The following ZNF609 variants were observed in gnomAD, a reference collection of about 807,000 sequenced individuals.
ZNF609 encodes zinc finger protein 609.
A neutral mutation model predicts 109.5 loss-of-function variants in ZNF609; 11 were observed. That is an observed-to-expected ratio of 0.10 (90% CI 0.06 to 0.17). The LOEUF (loss-of-function observed/expected upper bound fraction) is 0.17. ZNF609 is among the 10% of genes least tolerant of loss of function. The pLI is 1.00. For missense variants in ZNF609, 1,559 were observed against 1,772.4 expected (o/e 0.88, Z 2.16); for synonymous variants, 646 against 662.0 (o/e 0.98, Z 0.37).
At chr15:64,588,238 A>G (rs1895230211) in intron 2 of ZNF609, among the ~76,000 whole-genome samples, 2 of 132,624 alleles carry the variant, frequency 1.5e-5, no homozygotes, top group African/African-American at 2.8e-5. Context: ...ACCACGGTGA[A>G]ACCCCCGTCT....
Position 64,520,175 on chromosome 15 carries a change from T to G in ZNF609, c.747+20009T>G, listed in dbSNP as rs566527555. On this transcript the variant is annotated intron_variant, in intron 2 of 9. Transcript: ENST00000326648. ...TCTGGAGAAGCAGTACAGGAAGGTT[T>G]CTGGGTTGCTATAACCAGGATTTTT... Among the ~76,000 whole-genome samples, 6 of 152,304 alleles carry G rather than the reference T, an allele frequency of 3.9e-5. No individual in the cohort carries two copies. In the South Asian group the frequency reaches 1.2e-3, roughly 32 times the overall value.
intron 3 of ZNF609, among the ~76,000 whole-genome samples, chr15:64,661,263 C>A (rs989701817): frequency 6.6e-6 from 1 of 152,052 alleles, no homozygotes; most frequent in African/African-American, 2.4e-5. Flanking sequence ...CGACTGGCCG[C>A]GTATCACTAT....
intron 3 of ZNF609, chr15:64,631,704 G>GT: frequency 2.1e-5 from 4 of 192,912 alleles, no homozygotes; most frequent in Non-Finnish European, 2.1e-5. Flanking sequence ...AGCTAATTTT[G>GT]TATTTTTTTT....
chr15:64,566,505 T>C (rs1894780101), intron 2 of ZNF609, among the ~76,000 whole-genome samples: 1 of 152,218 alleles, frequency 6.6e-6, no homozygotes, highest in African/African-American at 2.4e-5. Context: ...TAAGTGTAAT[T>C]GTATCAGAAT....
chr15:64,618,150 G>C (rs772615406), intron 2 of ZNF609, among the ~76,000 whole-genome samples: 1 of 152,010 alleles, frequency 6.6e-6, no homozygotes, highest in Non-Finnish European at 1.5e-5. Context: ...TTTTGAGACA[G>C]GGTCTTGCTC....
chr15:64,683,497 C>T lies in ZNF609; in HGVS notation c.*1811C>T. 1 of 152,682 alleles carries T rather than the reference C, an allele frequency of 6.5e-6. No homozygotes were observed. Among genetic ancestry groups the T allele is most frequent in the East Asian group, 1.9e-4 (1 of 5,202 alleles). 9.5% of individuals were successfully genotyped at this position (152,682 alleles called of 1,614,324 possible). On this transcript the variant is annotated 3_prime_UTR_variant, in exon 10 of 10. Transcript: ENST00000326648. Reference sequence around the variant, plus strand: ...TGTTCAAGTTGGGTTCTGAGTCCTCCCCAAAAACCATTGTTTTAGACCTCT... The same window carrying T: ...TGTTCAAGTTGGGTTCTGAGTCCTCTCCAAAAACCATTGTTTTAGACCTCT...
chr15:64,487,444 G>A (rs1893348053), intron 1 of ZNF609, among the ~76,000 whole-genome samples: 2 of 152,118 alleles, frequency 1.3e-5, no homozygotes, highest in African/African-American at 4.8e-5. Context: ...GCACAACTCA[G>A]TTTTTCCATG....
At chr15:64,543,355 C>G (rs187865144) in intron 2 of ZNF609, among the ~76,000 whole-genome samples, 4 of 145,332 alleles carry the variant, frequency 2.8e-5, no homozygotes, top group South Asian at 4.5e-4. Context: ...GGGGTTCATA[C>G]TTTCTGTTGT....
At chr15:64,508,331 T>A (rs1893665712) in intron 2 of ZNF609, among the ~76,000 whole-genome samples, 1 of 152,242 alleles carries the variant, frequency 6.6e-6, no homozygotes, top group South Asian at 2.1e-4. Context: ...TAAGAAGTTC[T>A]TAGCAAAGTT....
intron 1 of ZNF609, among the ~76,000 whole-genome samples, chr15:64,484,817 T>TA (rs1893309711): frequency 6.7e-6 from 1 of 148,782 alleles, no homozygotes; most frequent in Admixed American, 6.7e-5. Flanking sequence ...CTACTAAAAA[T>TA]ACAAAAATTA....
intron 2 of ZNF609, among the ~76,000 whole-genome samples, chr15:64,518,907 A>G (rs1175400010): frequency 6.6e-6 from 1 of 152,020 alleles, no homozygotes; most frequent in South Asian, 2.1e-4. Flanking sequence ...ACATGTTTTG[A>G]GGTGCTTGCA....
At chr15:64,509,946 A>G (rs1263931029) in intron 2 of ZNF609, among the ~76,000 whole-genome samples, 1 of 152,190 alleles carries the variant, frequency 6.6e-6, no homozygotes, top group Non-Finnish European at 1.5e-5. Context: ...CCCCAACCTT[A>G]TCCTTGTTTT....
intron 1 of ZNF609, among the ~76,000 whole-genome samples, chr15:64,491,858 TAAAA>T (rs1893417812): frequency 6.7e-6 from 1 of 149,496 alleles, no homozygotes; most frequent in Non-Finnish European, 1.5e-5. Context: ...AATAAATAAA[TAAAA>T]CCATGAGTCT....
At chr15:64,650,234 T>C (rs1286367892) in intron 3 of ZNF609, among the ~76,000 whole-genome samples, 1 of 150,514 alleles carries the variant, frequency 6.6e-6, no homozygotes, top group African/African-American at 2.5e-5. Flanking sequence ...TGAAACCCCC[T>C]GTCTCTACTA....
chr15:64,617,093 C>T (rs1490726670), intron 2 of ZNF609, among the ~76,000 whole-genome samples: 3 of 152,088 alleles, frequency 2.0e-5, no homozygotes, highest in African/African-American at 7.2e-5. Context: ...CAGGCGTGAG[C>T]CACTGCGTCC....
intron 2 of ZNF609, among the ~76,000 whole-genome samples, chr15:64,548,520 G>A (rs1379217939): frequency 6.6e-6 from 1 of 152,130 alleles, no homozygotes; most frequent in Non-Finnish European, 1.5e-5. Flanking sequence ...TAACACTTTG[G>A]GAGCCTCTGG....
At chr15:64,515,924 G>C (rs1225753967) in intron 2 of ZNF609, among the ~76,000 whole-genome samples, 2 of 149,012 alleles carry the variant, frequency 1.3e-5, no homozygotes, top group Non-Finnish European at 3.0e-5. Context: ...GGCAGCAAAG[G>C]CGAAACTCCG....
At chr15:64,477,651 C>G (rs1476980047) in intron 1 of ZNF609, among the ~76,000 whole-genome samples, 1 of 130,320 alleles carries the variant, frequency 7.7e-6, no homozygotes, top group South Asian at 2.3e-4. Flanking sequence ...TTTTTTGAAA[C>G]AGAGTCTCGC....
At chr15:64,547,671 A>G (rs930758978) in intron 2 of ZNF609, among the ~76,000 whole-genome samples, 13 of 151,386 alleles carry the variant, frequency 8.6e-5, no homozygotes, top group African/African-American at 3.2e-4. Context: ...TTGGACAGGT[A>G]TTTTGTTAGT....
Sources: gnomAD v4.1 joint callset for allele counts (sites outside exome capture counted in the v4.1 genomes callset) on GRCh38, gnomAD v4.1.1 for gene constraint, MANE v1.5 for transcripts, NCBI Gene and HGNC (gene_info 2026-07-23, HGNC 2026-07-21) for gene names.